The following CYP3A7 variants were observed in gnomAD, a reference collection of about 807,000 sequenced individuals.
CYP3A7 encodes the protein cytochrome P450 3A7.
In CYP3A7, 45 loss-of-function variants were observed where a neutral mutation model predicts 55.2. That is an observed-to-expected ratio of 0.82 (90% CI 0.64 to 1.05). The LOEUF is 1.05. Among genes scored for constraint, CYP3A7 ranks in the 50% least tolerant of loss-of-function variants. CYP3A7 has a pLI of 0.00. For synonymous variants in CYP3A7, 180 were observed against 207.4 expected, an observed-to-expected ratio of 0.87 and a Z score of 1.13; for missense variants, 548 against 605.3, an observed-to-expected ratio of 0.91 and a Z score of 0.99.
intron 2 of CYP3A7, among the ~76,000 whole-genome samples, chr7:99,726,876 C>T (rs1814432125): frequency 6.6e-6 from 1 of 152,222 alleles, no homozygotes; most frequent in Non-Finnish European, 1.5e-5. Context: ...CATAATTCTT[C>T]ATGAAAACAC....
intron 2 of CYP3A7, among the ~76,000 whole-genome samples, chr7:99,727,569 C>T (rs1041231156): frequency 1.3e-5 from 2 of 152,208 alleles, no homozygotes; most frequent in Non-Finnish European, 2.9e-5. Context: ...GACATTCACT[C>T]TATTTCCCCA....
intron 1 of CYP3A7, among the ~76,000 whole-genome samples, chr7:99,732,897 C>T (rs1352328839): frequency 6.6e-6 from 1 of 152,120 alleles, no homozygotes; most frequent in Non-Finnish European, 1.5e-5. Context: ...TAAAATGTTC[C>T]AGATAGTTGA....
At chr7:99,705,676 A>G (rs1813495065) in intron 12 of CYP3A7, 81 bp from the exon 13 acceptor site, 67 of 1,531,800 alleles carry the variant, frequency 4.4e-5, no homozygotes, top group Non-Finnish European at 5.7e-5. Context: ...AAAAAAAATT[A>G]CTGACAATAA....
At chr7:99,719,570 C>G (rs759551441) in intron 4 of CYP3A7, among the ~76,000 whole-genome samples, 1 of 150,428 alleles carries the variant, frequency 6.6e-6, no homozygotes, top group Non-Finnish European at 1.5e-5. Flanking sequence ...AAAGAACTTT[C>G]AGACTTGACA....
chr7:99,717,853 T>C (rs1185662825), intron 4 of CYP3A7, among the ~76,000 whole-genome samples: 1 of 152,158 alleles, frequency 6.6e-6, no homozygotes, highest in Non-Finnish European at 1.5e-5. Context: ...TCCTTTTACA[T>C]GCAAATTCTC....
intron 2 of CYP3A7, chr7:99,730,491 G>T (rs774668807): frequency 6.4e-6 from 1 of 155,618 alleles, no homozygotes; most frequent in Non-Finnish European, 1.4e-5. Flanking sequence ...TAAGACCTGG[G>T]TTAAAGCCAT....
chr7:99,708,970 A>G, intron 11 of CYP3A7, 65 bp downstream of exon 11: 1 of 1,560,752 alleles, frequency 6.4e-7, no homozygotes. Flanking sequence ...ACTGTCCTGT[A>G]GAGAGGCAGA....
intron 4 of CYP3A7, among the ~76,000 whole-genome samples, chr7:99,718,054 A>C (rs1814035590): frequency 6.6e-6 from 1 of 152,094 alleles, no homozygotes; most frequent in African/African-American, 2.4e-5. Flanking sequence ...GATGTGGTAG[A>C]TTTAAAAAAA....
chr7:99,720,658 G>C (rs1338266752), intron 3 of CYP3A7: 1 of 436,106 alleles, frequency 2.3e-6, no homozygotes, highest in Non-Finnish European at 4.2e-6. Flanking sequence ...AGACAAAAGA[G>C]CTCTTCAAAG....
chr7:99,708,451 C>T (rs552487764), intron 11 of CYP3A7, among the ~76,000 whole-genome samples: 14 of 152,108 alleles, frequency 9.2e-5, no homozygotes, highest in East Asian at 7.7e-4. Context: ...CTTCTCCTCC[C>T]TACCTTGTCT....
intron 2 of CYP3A7, among the ~76,000 whole-genome samples, chr7:99,722,786 G>A (rs903936219): frequency 3.3e-5 from 5 of 152,128 alleles, no homozygotes; most frequent in African/African-American, 1.2e-4. Context: ...TTTATTTCAT[G>A]AGCTCACTCT....
intron 2 of CYP3A7, chr7:99,730,775 A>T: frequency 2.7e-6 from 1 of 371,556 alleles, no homozygotes; most frequent in Non-Finnish European, 5.0e-6. Flanking sequence ...GCAAAAAGGA[A>T]ATGCTCTTTA....
Position 99,705,325 on chromosome 7 carries a change from C to G in CYP3A7, c.*175G>C. The G allele has an allele frequency of 4.3e-6, 3 of 694,964 alleles. No individual in the cohort carries two copies. Among genetic ancestry groups the G allele is most frequent in the Non-Finnish European group, 7.0e-6 (3 of 427,746 alleles). 43.0% of individuals were successfully genotyped at this position (694,964 alleles called of 1,614,324 possible). A position where few individuals can be genotyped will look rare whatever the true frequency, so the allele number is the denominator to read the frequency against. On this transcript the variant is annotated 3_prime_UTR_variant, in exon 13 of 13. Transcript: ENST00000336374. ...ATCTCCTCTATATTACCAAGTATAA[C>G]ACTCTATACAGACCATGAGAGAGCA... is the stretch of plus-strand genomic sequence containing the variant.
At chr7:99,724,582 A>G (rs1259859852) in intron 2 of CYP3A7, among the ~76,000 whole-genome samples, 2 of 151,784 alleles carry the variant, frequency 1.3e-5, no homozygotes, top group East Asian at 3.9e-4. Flanking sequence ...GCTCCTCACC[A>G]GGCCAAGCCA....
chr7:99,705,162 A>T lies in CYP3A7; in HGVS notation c.*338T>A, dbSNP rs1584502010. The T allele has an allele frequency of 3.9e-6, 1 of 253,928 alleles. No homozygotes were observed. Among genetic ancestry groups the T allele is most frequent in the Non-Finnish European group, 7.7e-6 (1 of 129,394 alleles). 15.7% of individuals were successfully genotyped at this position (253,928 alleles called of 1,614,324 possible). A position where few individuals can be genotyped will look rare whatever the true frequency, so the allele number is the denominator to read the frequency against. ...AAAATAATTCCTATTTTTATTAATG[A>T]TTGTGGTTGAAATTATTGAGAAATG... On this transcript the variant is annotated 3_prime_UTR_variant, in exon 13 of 13. Coordinates refer to ENST00000336374, the MANE Select transcript of CYP3A7 (RefSeq NM_000765.5).
chr7:99,710,137 T>C (rs895440885), intron 10 of CYP3A7, among the ~76,000 whole-genome samples: 3 of 152,230 alleles, frequency 2.0e-5, no homozygotes, highest in African/African-American at 7.2e-5. Flanking sequence ...TGTCTCTTCA[T>C]AGCACAAAGA....
chr7:99,726,642 G>C (rs1275926328), intron 2 of CYP3A7, among the ~76,000 whole-genome samples: 1 of 152,148 alleles, frequency 6.6e-6, no homozygotes, highest in African/African-American at 2.4e-5. Flanking sequence ...AGGCTTCTGG[G>C]ACAGCCCTCA....
At chr7:99,707,529 C>A (rs1813570497) in intron 12 of CYP3A7, among the ~76,000 whole-genome samples, 3 of 152,310 alleles carry the variant, frequency 2.0e-5, no homozygotes, top group Non-Finnish European at 4.4e-5. Context: ...CCCCATCTTT[C>A]CAATTGACTT....
At chr7:99,718,136 G>C (rs548892374) in intron 4 of CYP3A7, among the ~76,000 whole-genome samples, 2 of 152,080 alleles carry the variant, frequency 1.3e-5, no homozygotes, top group East Asian at 1.9e-4. Context: ...GTGGGGAGAG[G>C]GGGGAAGGAT....
Sources: allele counts gnomAD v4.1 joint callset (sites outside exome capture counted in the v4.1 genomes callset), GRCh38; gene constraint gnomAD v4.1.1; transcripts MANE v1.5; gene names NCBI Gene and HGNC (gene_info 2026-07-23, HGNC 2026-07-21).